ZCWPW2: variants seen among roughly 807,000 people sequenced by gnomAD.
ZCWPW2 encodes the protein zinc finger CW-type PWWP domain protein 2.
A neutral mutation model predicts 46.6 loss-of-function variants in ZCWPW2; 45 were observed. That is an observed-to-expected ratio of 0.96 (90% CI 0.76 to 1.24). The LOEUF (loss-of-function observed/expected upper bound fraction) is 1.24, where lower values mean the gene tolerates loss of function less well. ZCWPW2 is among the 50% of genes most tolerant of loss of function. ZCWPW2 has a pLI of 0.00. For missense variants in ZCWPW2, 429 were observed against 403.9 expected, an observed-to-expected ratio of 1.06 and a Z score of -0.53; for synonymous variants, 152 against 137.1, an observed-to-expected ratio of 1.11 and a Z score of -0.76.
chr3:28,405,709 T>C (rs2125733385), intron 2 of ZCWPW2, among the ~76,000 whole-genome samples: 1 of 152,078 alleles, frequency 6.6e-6, no homozygotes. Flanking sequence ...CTCCTGACCG[T>C]GTGATCTGCC....
chr3:28,487,169 T>C (rs1411158452), intron 5 of ZCWPW2, among the ~76,000 whole-genome samples: 1 of 152,134 alleles, frequency 6.6e-6, no homozygotes, highest in Non-Finnish European at 1.5e-5. Context: ...GGGGAAATTA[T>C]CAGTTATTAT....
chr3:28,491,991 A>G, intron 5 of ZCWPW2, 136 bp from the exon 6 acceptor site: 1 of 809,750 alleles, frequency 1.2e-6, no homozygotes, highest in Non-Finnish European at 2.0e-6. Flanking sequence ...TAGCATATTA[A>G]TTAAAGGGAC....
intron 2 of ZCWPW2, among the ~76,000 whole-genome samples, chr3:28,394,951 C>A (rs1473938109): frequency 1.3e-5 from 2 of 152,064 alleles, no homozygotes; most frequent in Admixed American, 6.6e-5. Flanking sequence ...AGGAAACAAT[C>A]AACTGAGTGA....
At chr3:28,377,072 T>G (rs1192236321) in intron 1 of ZCWPW2, among the ~76,000 whole-genome samples, 1 of 87,858 alleles carries the variant, frequency 1.1e-5, no homozygotes, top group Admixed American at 1.4e-4. Flanking sequence ...TGCATGATGA[T>G]TTTTTTTTTT....
At chr3:28,511,786 A>G (rs1366862637) in intron 6 of ZCWPW2, among the ~76,000 whole-genome samples, 2 of 152,136 alleles carry the variant, frequency 1.3e-5, no homozygotes, top group Non-Finnish European at 2.9e-5. Flanking sequence ...CATAATGTTC[A>G]GCACTTAATT....
At chr3:28,398,321 A>G (rs1200410571) in intron 2 of ZCWPW2, 1 of 152,228 alleles carries the variant, frequency 6.6e-6, no homozygotes, top group Non-Finnish European at 1.5e-5. Flanking sequence ...ATTACCTCCC[A>G]AAGTCCCCAT....
At chr3:28,515,080 A>G (rs1432477751) in intron 7 of ZCWPW2, among the ~76,000 whole-genome samples, 4 of 152,212 alleles carry the variant, frequency 2.6e-5, no homozygotes, top group African/African-American at 7.2e-5. Context: ...CTTTCTCAAG[A>G]CCTTATGGTT....
intron 1 of ZCWPW2, among the ~76,000 whole-genome samples, chr3:28,384,773 C>A (rs373091638): frequency 6.6e-6 from 1 of 151,988 alleles, no homozygotes; most frequent in Admixed American, 6.6e-5. Flanking sequence ...ATTTCCACGG[C>A]CGGCTAATTT....
chr3:28,493,365 G>T (rs1263441102), intron 6 of ZCWPW2, among the ~76,000 whole-genome samples: 1 of 94,208 alleles, frequency 1.1e-5, no homozygotes, highest in African/African-American at 4.1e-5. Context: ...TGATCTCATT[G>T]TTCAATTCCC....
At chr3:28,359,290 AGTATT>A (rs1226282467) in intron 1 of ZCWPW2, among the ~76,000 whole-genome samples, 1 of 152,126 alleles carries the variant, frequency 6.6e-6, no homozygotes, top group Non-Finnish European at 1.5e-5. Flanking sequence ...TTTGACAATA[AGTATT>A]GTATTCATTA....
At chr3:28,447,653 C>T (rs1698046674) in intron 4 of ZCWPW2, 1 of 358,506 alleles carries the variant, frequency 2.8e-6, no homozygotes, top group African/African-American at 2.1e-5. Context: ...AAGTTCTAGC[C>T]AGAGCAATTA....
At chr3:28,469,912 A>G (rs1051719608) in intron 4 of ZCWPW2, among the ~76,000 whole-genome samples, 1 of 152,154 alleles carries the variant, frequency 6.6e-6, no homozygotes, top group Non-Finnish European at 1.5e-5. Context: ...CTTAGTCTGC[A>G]CTTTGGAACA....
chr3:28,387,420 C>T (rs539079593), intron 1 of ZCWPW2, among the ~76,000 whole-genome samples: 10 of 152,112 alleles, frequency 6.6e-5, no homozygotes, highest in Non-Finnish European at 1.0e-4. Context: ...AAGTGAGATG[C>T]GAAGGCTCTG....
chr3:28,357,797 T>TTATATA (rs3068920), intron 1 of ZCWPW2, among the ~76,000 whole-genome samples: 1,429 of 140,392 alleles, frequency 0.01, 17 homozygotes, highest in African/African-American at 0.034. Flanking sequence ...TTGGTATATT[T>TTATATA]TATATATATA....
intron 1 of ZCWPW2, among the ~76,000 whole-genome samples, chr3:28,379,832 A>T (rs751724074): frequency 6.6e-6 from 1 of 152,220 alleles, no homozygotes; most frequent in East Asian, 1.9e-4. Context: ...CTCAAGTAAC[A>T]TATCAAGAAG....
intron 4 of ZCWPW2, among the ~76,000 whole-genome samples, chr3:28,467,945 C>G (rs1051943886): frequency 6.6e-5 from 10 of 152,078 alleles, no homozygotes; most frequent in Admixed American, 3.3e-4. Flanking sequence ...TCAAGACCAT[C>G]CAGGAAAACA....
intron 4 of ZCWPW2, among the ~76,000 whole-genome samples, chr3:28,468,822 A>T (rs1359216501): frequency 6.6e-6 from 1 of 152,212 alleles, no homozygotes; most frequent in Non-Finnish European, 1.5e-5. Context: ...TGATAAAAAG[A>T]GTACTTCAAT....
chr3:28,407,181 T>C (rs1392483356), intron 2 of ZCWPW2, among the ~76,000 whole-genome samples: 1 of 152,186 alleles, frequency 6.6e-6, no homozygotes, highest in Non-Finnish European at 1.5e-5. Flanking sequence ...GAACTACTTA[T>C]CTTTTCAGGT....
chr3:28,488,615 T>C (rs1377409651), intron 5 of ZCWPW2, among the ~76,000 whole-genome samples: 1 of 152,180 alleles, frequency 6.6e-6, no homozygotes, highest in Non-Finnish European at 1.5e-5. Flanking sequence ...AAGTAAAAAA[T>C]CAATAACATC....
Sources: gnomAD v4.1 joint callset for allele counts (sites outside exome capture counted in the v4.1 genomes callset) on GRCh38, gnomAD v4.1.1 for gene constraint, MANE v1.5 for transcripts, NCBI Gene and HGNC (gene_info 2026-07-23, HGNC 2026-07-21) for gene names.